Variants in NELL1 observed in about 807,000 individuals in gnomAD.
NELL1 encodes the protein protein kinase C-binding protein NELL1.
In NELL1, 76 loss-of-function variants were observed where a neutral mutation model predicts 107.4. The ratio of observed to expected loss-of-function variants is 0.71; its 90% CI spans 0.59 to 0.86. The LOEUF is 0.86. Ranked by LOEUF, NELL1 falls within the 40% of genes least tolerant of loss-of-function variation. The pLI is 0.00. For missense variants in NELL1, 1,024 were observed against 1,005.5 expected (o/e 1.02, Z -0.25); for synonymous variants, 353 against 341.2 (o/e 1.03, Z -0.38).
chr11:21,238,456 A>T lies in NELL1; in HGVS notation c.1549+9002A>T, dbSNP rs367812634. ...AAATGCAGTCATATATTGAAGAATG[A>T]TGTTAGGACTGATGCTGAAATCACT... On this transcript the variant is annotated intron_variant, in intron 14 of 19. Transcript: ENST00000357134. Among the ~76,000 whole-genome samples, 50 of 152,180 alleles carry T rather than the reference A, an allele frequency of 3.3e-4. No individual in the cohort carries two copies. In the East Asian group the frequency reaches 6.8e-3, roughly 21 times the overall value.
At chr11:21,099,482 C>T (rs1282613123) in intron 12 of NELL1, among the ~76,000 whole-genome samples, 1 of 152,136 alleles carries the variant, frequency 6.6e-6, no homozygotes, top group Non-Finnish European at 1.5e-5. Context: ...CGGGTGGCAA[C>T]ACCAACTTGA....
At chr11:20,893,782 C>T (rs975483833) in intron 5 of NELL1, among the ~76,000 whole-genome samples, 1 of 145,746 alleles carries the variant, frequency 6.9e-6, no homozygotes, top group Non-Finnish European at 1.5e-5. Context: ...TCATAAAACC[C>T]AAAGCCTGTT....
intron 14 of NELL1, among the ~76,000 whole-genome samples, chr11:21,356,535 G>A (rs752942519): frequency 1.3e-5 from 2 of 152,108 alleles, no homozygotes; most frequent in Non-Finnish European, 2.9e-5. Context: ...CCTGCAAATG[G>A]GGGGCATTGT....
At chr11:21,255,694 T>C (rs886535417) in intron 14 of NELL1, among the ~76,000 whole-genome samples, 2 of 152,096 alleles carry the variant, frequency 1.3e-5, no homozygotes, top group Non-Finnish European at 2.9e-5. Context: ...ATATTTCTTC[T>C]ATTTTTATAT....
At chr11:21,304,230 G>T (rs1309606945) in intron 14 of NELL1, among the ~76,000 whole-genome samples, 2 of 152,008 alleles carry the variant, frequency 1.3e-5, no homozygotes, top group Non-Finnish European at 2.9e-5. Flanking sequence ...CATTTAACAT[G>T]TACTTAGACT....
Position 21,353,454 on chromosome 11 carries a change from CTA to C in NELL1, c.1550-17397_1550-17396del, listed in dbSNP as rs34228165. Among the ~76,000 whole-genome samples the C allele has an allele frequency of 4.4e-3, 667 of 152,310 alleles. 6 individuals are homozygous for C. Among genetic ancestry groups the C allele is most frequent in the African/African-American group, 0.015 (638 of 41,582 alleles). ...CCAGATTTGTCTGTTTTTCCACAGA[CTA>C]TGCTTTTACCTCCACCATGCTGCCT... On this transcript the variant is annotated intron_variant, in intron 14 of 19. Coordinates refer to ENST00000357134, the MANE Select transcript of NELL1 (RefSeq NM_006157.5).
At chr11:21,157,898 A>G (rs1590690183) in intron 13 of NELL1, among the ~76,000 whole-genome samples, 2 of 152,278 alleles carry the variant, frequency 1.3e-5, no homozygotes, top group Admixed American at 6.5e-5. Context: ...TATCAGCTTC[A>G]TTGGATTGAA....
intron 13 of NELL1, among the ~76,000 whole-genome samples, chr11:21,197,679 T>C (rs973904594): frequency 6.6e-6 from 1 of 152,216 alleles, no homozygotes; most frequent in Admixed American, 6.5e-5. Flanking sequence ...TGAAGACTAC[T>C]GAGTAAAGGC....
At chr11:20,925,059 A>G (rs866563539) in intron 7 of NELL1, among the ~76,000 whole-genome samples, 1 of 152,168 alleles carries the variant, frequency 6.6e-6, no homozygotes, top group Non-Finnish European at 1.5e-5. Context: ...GTATAGGAGG[A>G]TGTGCATACG....
intron 14 of NELL1, among the ~76,000 whole-genome samples, chr11:21,340,620 TACACACACACACACACACAC>T (rs71034506): frequency 1.8e-3 from 261 of 141,802 alleles, no homozygotes; most frequent in African/African-American, 6.7e-3. Flanking sequence ...TATGACGGGT[TACACACACACACACACACAC>T]ACACACACAC....
At chr11:21,050,610 GGTCA>G (rs1353192947) in intron 12 of NELL1, among the ~76,000 whole-genome samples, 2 of 151,930 alleles carry the variant, frequency 1.3e-5, no homozygotes, top group Non-Finnish European at 2.9e-5. Context: ...CTTGGTTCAG[GGTCA>G]GTAAGAACTA....
chr11:21,256,864 GAGACAGGAAAGGCA>G (rs1858782892), intron 14 of NELL1, among the ~76,000 whole-genome samples: 1 of 152,028 alleles, frequency 6.6e-6, no homozygotes, highest in South Asian at 2.1e-4. Context: ...ATGGGCAAGT[GAGACAGGAAAGGCA>G]AGACATCCAG....
In NELL1 at chr11:21,573,462, T is replaced by C. The variant is rs1048889878; in HGVS notation, c.2382+53T>C. 3.4e-6 allele frequency: 5 copies of C among 1,488,036 alleles called. No homozygotes were observed. In the African/African-American group the frequency reaches 6.9e-5, roughly 21 times the overall value. 92.2% of individuals were successfully genotyped at this position (1,488,036 alleles called of 1,614,324 possible). On this transcript the variant is annotated intron_variant, in intron 19 of 19. Transcript: ENST00000357134. ...GCCTTGAACAATTGCCAGAGAACAC[T>C]TGCAGGAGGTCCACTCCTGATGTTT...
chr11:21,000,022 T>C (rs999388581), intron 12 of NELL1, among the ~76,000 whole-genome samples: 2 of 152,216 alleles, frequency 1.3e-5, no homozygotes, highest in East Asian at 1.9e-4. Flanking sequence ...AGAGCACTAA[T>C]AGATGATGTT....
In NELL1 at chr11:21,243,540, T is replaced by A. The variant is rs183526794; in HGVS notation, c.1549+14086T>A. Among the ~76,000 whole-genome samples, 400 of 152,240 alleles carry A rather than the reference T, an allele frequency of 2.6e-3. 2 individuals carry two copies. The highest frequency in any genetic ancestry group is 9.3e-3 in the African/African-American group (385 of 41,574). On this transcript the variant is annotated intron_variant, in intron 14 of 19. Transcript: ENST00000357134. ...GAAGGAAAGCAAATTGTAATGAATT[T>A]CTTGGAAGAGGACTCGCTGTATCTT...
chr11:21,122,580 C>T (rs1197309159), intron 13 of NELL1, among the ~76,000 whole-genome samples: 1 of 152,056 alleles, frequency 6.6e-6, no homozygotes, highest in African/African-American at 2.4e-5. Context: ...TATATACTAA[C>T]TATTCTTTGG....
chr11:20,851,496 A>G (rs1848795162), intron 4 of NELL1, among the ~76,000 whole-genome samples: 1 of 152,146 alleles, frequency 6.6e-6, no homozygotes, highest in South Asian at 2.1e-4. Context: ...AGAGTTGGCA[A>G]CAAAGCCTGG....
intron 13 of NELL1, among the ~76,000 whole-genome samples, chr11:21,170,781 A>G (rs1056415799): frequency 1.3e-5 from 2 of 151,062 alleles, no homozygotes; most frequent in Non-Finnish European, 2.9e-5. Flanking sequence ...AAAAATTTAC[A>G]TTTATCTATA....
chr11:21,093,596 A>G (rs145591036), intron 12 of NELL1, among the ~76,000 whole-genome samples: 1 of 152,312 alleles, frequency 6.6e-6, no homozygotes, highest in East Asian at 1.9e-4. Context: ...AGACTGGGCA[A>G]TTTACAAAAG....
Sources: allele counts gnomAD v4.1 joint callset (sites outside exome capture counted in the v4.1 genomes callset), GRCh38; gene constraint gnomAD v4.1.1; transcripts MANE v1.5; gene names NCBI Gene and HGNC (gene_info 2026-07-23, HGNC 2026-07-21).